PGM2L1: variants seen among roughly 807,000 people sequenced by gnomAD.
The protein encoded by PGM2L1 is phosphoglucomutase 2 like 1, also known as glucose 1,6-bisphosphate synthase.
In PGM2L1, 35 loss-of-function variants were observed where a neutral mutation model predicts 73.4. The observed-to-expected ratio is 0.48, with a 90% CI of 0.36 to 0.63. The LOEUF (loss-of-function observed/expected upper bound fraction) is 0.63, where lower values mean the gene tolerates loss of function less well. PGM2L1 is among the 30% of genes least tolerant of loss of function. The pLI is 0.00. For missense variants in PGM2L1, 570 were observed against 742.0 expected (o/e 0.77, Z 2.69); for synonymous variants, 225 against 253.8 (o/e 0.89, Z 1.08).
rs1299156742 is a variant in PGM2L1 at position 74,342,498 on chromosome 11, G to A, written c.1595C>T (p.Thr532Ile). 6 of 1,578,332 alleles carry A rather than the reference G, an allele frequency of 3.8e-6. No individual in the cohort carries two copies. The highest frequency in any genetic ancestry group is 1.8e-5 in the Admixed American group (1 of 54,250). ...TFAILHVRDV[T>I]TGYDSSQPNK... ...AGGCTGGCTACTGTCATATCCAGTG[G>A]TAACGTCCCGTACATGCAATATAGC... Residue 532 changes from threonine (T) to isoleucine (I), a missense_variant, in exon 12 of 14, where the codon ACC (threonine) becomes ATC (isoleucine). By Grantham distance (89) the Thr-to-Ile change is moderately conservative (BLOSUM62 -1). Coordinates refer to ENST00000298198, the MANE Select transcript of PGM2L1 (RefSeq NM_173582.6).
chr11:74,376,298 GA>G (rs1862851651), intron 1 of PGM2L1, among the ~76,000 whole-genome samples: 1 of 152,088 alleles, frequency 6.6e-6, no homozygotes, highest in Admixed American at 6.6e-5. Context: ...ATTTAGACAG[GA>G]TGGGAACCTA....
At chr11:74,375,809 A>C (rs1862845547) in intron 1 of PGM2L1, among the ~76,000 whole-genome samples, 1 of 152,224 alleles carries the variant, frequency 6.6e-6, no homozygotes, top group Admixed American at 6.5e-5. Context: ...TTTCTGTTTC[A>C]TAAATGGCAC....
intron 5 of PGM2L1, among the ~76,000 whole-genome samples, chr11:74,359,564 C>CATATAT (rs56089033): frequency 0.049 from 7,317 of 150,002 alleles, 577 homozygotes; most frequent in African/African-American, 0.17. Flanking sequence ...CACGTACATA[C>CATATAT]ATATATATAT....
At chr11:74,397,812 G>A (rs1410962166) in intron 1 of PGM2L1, 8 of 393,242 alleles carry the variant, frequency 2.0e-5, no homozygotes, top group Non-Finnish European at 3.4e-5. Flanking sequence ...GTAAAGAAGA[G>A]GAAGGGAGGT....
chr11:74,381,430 A>ACGGAGCAAAATCCCC (rs1176620691), intron 1 of PGM2L1, among the ~76,000 whole-genome samples: 8 of 152,186 alleles, frequency 5.3e-5, no homozygotes, highest in Non-Finnish European at 1.2e-4. Flanking sequence ...AAATGATTTC[A>ACGGAGCAAAATCCCC]CGGAGCAAAA....
rs529068381 is a variant in PGM2L1, at chr11:74,396,983, T to C, written c.111+1068A>G. On this transcript the variant is annotated intron_variant, in intron 1 of 13. Transcript: ENST00000298198. Reference sequence around the variant, plus strand: ...TTCTATTTTCCTCACAAGTATTTCCTGGGTCTAACAAGACCTAAAACACGC... The same window carrying C: ...TTCTATTTTCCTCACAAGTATTTCCCGGGTCTAACAAGACCTAAAACACGC... 3.3e-5 allele frequency among the ~76,000 whole-genome samples: 5 copies of C among 152,372 alleles called. No individual in the cohort carries two copies. The East Asian group carries it at 9.6e-4, about 29-fold the overall frequency.
chr11:74,367,629 T>C (rs113246457), intron 5 of PGM2L1, among the ~76,000 whole-genome samples: 3 of 152,304 alleles, frequency 2.0e-5, no homozygotes, highest in African/African-American at 7.2e-5. Flanking sequence ...GTAAAGGATG[T>C]CCAAATAATC....
intron 1 of PGM2L1, among the ~76,000 whole-genome samples, chr11:74,385,631 AG>A (rs1488881671): frequency 8.5e-5 from 13 of 152,070 alleles, no homozygotes; most frequent in African/African-American, 3.1e-4. Flanking sequence ...CTGTCAACTG[AG>A]ATTCCATAGT....
intron 1 of PGM2L1, among the ~76,000 whole-genome samples, chr11:74,392,708 A>AT (rs1450630840): frequency 2.0e-5 from 3 of 152,062 alleles, no homozygotes; most frequent in Non-Finnish European, 4.4e-5. Flanking sequence ...CGCCCGGCTA[A>AT]TTTTTTGTAT....
At chr11:74,375,926 G>T (rs1000130657) in intron 1 of PGM2L1, among the ~76,000 whole-genome samples, 5 of 152,120 alleles carry the variant, frequency 3.3e-5, no homozygotes, top group African/African-American at 1.2e-4. Flanking sequence ...ATTTCATAGA[G>T]AGGCCAAAGA....
chr11:74,389,013 G>A (rs995472096), intron 1 of PGM2L1, among the ~76,000 whole-genome samples: 2 of 152,218 alleles, frequency 1.3e-5, no homozygotes, highest in Non-Finnish European at 2.9e-5. Context: ...GGTAAAAACA[G>A]GTTTCTCCAT....
intron 6 of PGM2L1, among the ~76,000 whole-genome samples, chr11:74,350,505 A>G (rs1163794795): frequency 6.6e-6 from 1 of 152,202 alleles, no homozygotes. Flanking sequence ...AAAGTGTGCA[A>G]TTCAATGGCT....
At position 74,384,525 on chromosome 11, in the gene PGM2L1, T is replaced by C. The variant is rs1042775739; in HGVS notation, c.112-9943A>G. ...TTCTTGTTTATGTTGACTTGCTTCC[T>C]TATATGTTTGGTTATCTTTGACTCT... On this transcript the variant is annotated intron_variant, in intron 1 of 13. Coordinates refer to ENST00000298198, the MANE Select transcript of PGM2L1 (RefSeq NM_173582.6). Among the ~76,000 whole-genome samples, 3 of 152,016 alleles carry C rather than the reference T, an allele frequency of 2.0e-5. No homozygotes were observed. The East Asian group carries it at 5.8e-4, about 29-fold the overall frequency.
In PGM2L1 at chr11:74,370,049, C is replaced by A. The variant is rs574040501; in HGVS notation, c.471+853G>T. Among the ~76,000 whole-genome samples, 4 of 152,238 alleles carry A rather than the reference C, an allele frequency of 2.6e-5. No individual in the cohort carries two copies. The East Asian group carries it at 5.8e-4, about 22-fold the overall frequency. ...GGCATGAGACATTGCCCCTGGCCTCCTGATAAGTTCTTTTTACAAAGAAAT... is the reference window on the plus strand; with the variant it reads ...GGCATGAGACATTGCCCCTGGCCTCATGATAAGTTCTTTTTACAAAGAAAT... On this transcript the variant is annotated intron_variant, in intron 4 of 13. Coordinates refer to ENST00000298198, the MANE Select transcript of PGM2L1 (RefSeq NM_173582.6).
intron 1 of PGM2L1, among the ~76,000 whole-genome samples, chr11:74,375,706 C>T (rs1862844591): frequency 6.6e-6 from 1 of 152,120 alleles, no homozygotes; most frequent in African/African-American, 2.4e-5. Flanking sequence ...AACCAGAGTA[C>T]ATGGCCAAAC....
At chr11:74,374,619 C>G in intron 1 of PGM2L1, 37 bp from the exon 2 acceptor site, 2 of 1,575,222 alleles carry the variant, frequency 1.3e-6, no homozygotes, top group Non-Finnish European at 1.7e-6. Flanking sequence ...ACCAGGAATC[C>G]AAGCAGAGTC....
chr11:74,337,858 T>A (rs116145777), intron 13 of PGM2L1, among the ~76,000 whole-genome samples: 158 of 152,248 alleles, frequency 1.0e-3, no homozygotes, highest in African/African-American at 3.6e-3. Flanking sequence ...CTCAAAAGGT[T>A]AAACACAGAG....
rs908835948 is a variant in PGM2L1, at chr11:74,334,413, A to G, written c.*2239T>C. 1 of 152,250 alleles carries G rather than the reference A, an allele frequency of 6.6e-6. No homozygotes were observed. Among genetic ancestry groups the G allele is most frequent in the Non-Finnish European group, 1.5e-5 (1 of 68,034 alleles). The allele number at this position is 152,250 out of a possible 1,614,324, so 9.4% of individuals were successfully genotyped here. ...AATTACAATCTACATTCTTAAAAGCATATAAAACAAAAGATGTTTTACACA... is the reference window on the plus strand; with the variant it reads ...AATTACAATCTACATTCTTAAAAGCGTATAAAACAAAAGATGTTTTACACA... On this transcript the variant is annotated 3_prime_UTR_variant, in exon 14 of 14. Transcript: ENST00000298198.
At position 74,345,748 on chromosome 11, in the gene PGM2L1, C is replaced by T. The variant is rs1280975455; in HGVS notation, c.1038-99G>A. The T allele has an allele frequency of 3.0e-6, 3 of 1,003,992 alleles. No homozygotes were observed. In the African/African-American group the frequency reaches 5.0e-5, roughly 17 times the overall value. The allele number at this position is 1,003,992 out of a possible 1,614,324, so 62.2% of individuals were successfully genotyped here. ...TTACCATCCTTCAGTTAGGAAAAAT[C>T]AAAAACTATCATATGGGATTTTTGA... is the stretch of plus-strand genomic sequence containing the variant. On this transcript the variant is annotated intron_variant, in intron 8 of 13. Coordinates refer to ENST00000298198, the MANE Select transcript of PGM2L1 (RefSeq NM_173582.6).
Sources: gnomAD v4.1 joint callset for allele counts (sites outside exome capture counted in the v4.1 genomes callset) on GRCh38, gnomAD v4.1.1 for gene constraint, MANE v1.5 for transcripts, NCBI Gene and HGNC (gene_info 2026-07-23, HGNC 2026-07-21) for gene names.